The following TANGO6 variants were observed in gnomAD, a reference collection of about 807,000 sequenced individuals.
TANGO6 encodes the protein transport and Golgi organization protein 6 homolog.
In TANGO6, 90 loss-of-function variants were observed where a neutral mutation model predicts 114.2. The ratio of observed to expected loss-of-function variants is 0.79; its 90% CI spans 0.66 to 0.94. The LOEUF (loss-of-function observed/expected upper bound fraction) is 0.94, where lower values mean the gene tolerates loss of function less well. TANGO6 is among the 40% of genes least tolerant of loss of function. The pLI is 0.00. For missense variants in TANGO6, 1,274 were observed against 1,315.3 expected (o/e 0.97, Z 0.49); for synonymous variants, 477 against 509.8 (o/e 0.94, Z 0.87).
At chr16:69,050,143 G>A (rs1032605213) in intron 17 of TANGO6, among the ~76,000 whole-genome samples, 2 of 152,070 alleles carry the variant, frequency 1.3e-5, no homozygotes, top group Non-Finnish European at 2.9e-5. Context: ...TAACTTTTGA[G>A]GAACTGCCAG....
intron 9 of TANGO6, 49 bp from the exon 10 acceptor site, chr16:68,907,394 T>A: frequency 6.6e-7 from 1 of 1,505,206 alleles, no homozygotes; most frequent in South Asian, 1.4e-5. Flanking sequence ...TTTAAAATTA[T>A]GTGTATCTCT....
chr16:68,860,711 T>C (rs1054816960), intron 2 of TANGO6, among the ~76,000 whole-genome samples, 187 bp downstream of exon 2: 1 of 152,198 alleles, frequency 6.6e-6, no homozygotes, highest in African/African-American at 2.4e-5. Context: ...TCTCGTCCTT[T>C]GCACACCTGT....
At chr16:69,046,048 A>C (rs188576927) in intron 17 of TANGO6, among the ~76,000 whole-genome samples, 1 of 140,202 alleles carries the variant, frequency 7.1e-6, no homozygotes, top group Non-Finnish European at 1.5e-5. Context: ...TGGGTGATAG[A>C]GCGAGACTCC....
Position 68,860,475 on chromosome 16 carries a change from A to T in TANGO6, c.686A>T (p.Gln229Leu). The change falls in exon 2 of 18, where the codon CAA becomes CTA. Residue 229 changes from glutamine to leucine, a missense_variant. Gln to Leu is a moderately radical substitution (Grantham distance 113). Transcript: ENST00000261778. The part of the protein sequence containing the change: ...HFGDIAAGLC[Q>L]LGFCPTKRKL... ...GGGGATATCGCAGCAGGTCTGTGCC[A>T]ACTGGGATTCTGCCCAACCAAAAGA... The T allele has an allele frequency of 6.2e-7, 1 of 1,613,952 alleles. No individual in the cohort carries two copies. Among genetic ancestry groups the T allele is most frequent in the Non-Finnish European group, 8.5e-7 (1 of 1,179,896 alleles).
At chr16:68,882,414 G>C (rs148006032) in intron 7 of TANGO6, among the ~76,000 whole-genome samples, 1 of 151,750 alleles carries the variant, frequency 6.6e-6, no homozygotes, top group Non-Finnish European at 1.5e-5. Flanking sequence ...GGAGAATGGC[G>C]TGAACCTGGA....
chr16:69,005,934 C>T (rs959004340), intron 15 of TANGO6, among the ~76,000 whole-genome samples: 7 of 152,036 alleles, frequency 4.6e-5, no homozygotes, highest in Admixed American at 3.3e-4. Context: ...TGTTAAGAAA[C>T]TTTTAAATAA....
intron 17 of TANGO6, among the ~76,000 whole-genome samples, chr16:69,055,247 G>A (rs1444970642): frequency 6.6e-6 from 1 of 152,218 alleles, no homozygotes; most frequent in Non-Finnish European, 1.5e-5. Context: ...CGTTTAGCCT[G>A]TTGCATCCAA....
intron 7 of TANGO6, among the ~76,000 whole-genome samples, chr16:68,888,098 C>T (rs1221149435): frequency 6.6e-6 from 1 of 152,138 alleles, no homozygotes; most frequent in East Asian, 1.9e-4. Context: ...AATTGAAAAC[C>T]TAGCATAGCC....
intron 17 of TANGO6, among the ~76,000 whole-genome samples, chr16:69,072,448 G>A (rs900653126): frequency 1.3e-5 from 2 of 152,048 alleles, no homozygotes; most frequent in South Asian, 2.1e-4. Context: ...AGAGGTTTCC[G>A]CTGTGGGATT....
intron 14 of TANGO6, among the ~76,000 whole-genome samples, chr16:68,956,588 C>T (rs1314134371): frequency 1.3e-5 from 2 of 152,122 alleles, no homozygotes; most frequent in African/African-American, 2.4e-5. Flanking sequence ...CACAGTGGCT[C>T]ATGTCTGTAA....
chr16:68,987,354 T>G (rs373215388), intron 15 of TANGO6, among the ~76,000 whole-genome samples: 1 of 152,122 alleles, frequency 6.6e-6, no homozygotes, highest in Admixed American at 6.5e-5. Context: ...TTGTTGCTGT[T>G]GTTGTTGCTG....
chr16:68,892,301 TATC>T (rs1962633941), intron 7 of TANGO6, among the ~76,000 whole-genome samples: 1 of 152,178 alleles, frequency 6.6e-6, no homozygotes, highest in Admixed American at 6.5e-5. Context: ...AGACGCCTCA[TATC>T]ATAGCTGGCT....
intron 16 of TANGO6, among the ~76,000 whole-genome samples, chr16:69,038,187 G>C (rs909025509): frequency 3.9e-5 from 6 of 152,134 alleles, no homozygotes; most frequent in African/African-American, 1.4e-4. Flanking sequence ...CCAGCACTTT[G>C]GGAGGCCGAG....
intron 14 of TANGO6, among the ~76,000 whole-genome samples, chr16:68,964,563 ATTTTT>A (rs762474177): frequency 1.5e-5 from 2 of 133,360 alleles, no homozygotes. Context: ...AAACATATTA[ATTTTT>A]TTTTTTTTTT....
rs1314870706 is a variant in TANGO6 at position 68,867,214 on chromosome 16, G to A, written c.988G>A (p.Ala330Thr). 6.2e-7 allele frequency: 1 copy of A among 1,613,808 alleles called. No individual in the cohort carries two copies. Among genetic ancestry groups the A allele is most frequent in the East Asian group, 2.2e-5 (1 of 44,868 alleles). The part of the protein sequence containing the change: ...QAVVRGILEG[A>T]GAGAAGGSDA... ...AGTAGTCCGGGGCATTTTGGAAGGA[G>A]CAGGTGGTAAGAAATAAAATGTTGC... is the stretch of plus-strand genomic sequence containing the variant. The change falls in exon 4 of 18, where the codon GCA becomes ACA. Residue 330 changes from alanine (A) to threonine (T), a missense_variant. Physicochemically the swap from Ala to Thr is moderately conservative, Grantham distance 58. Around this residue, in one of 5 missense-constraint regions of TANGO6, gnomAD observed 908 missense variants for 910.2 expected, o/e 1.00. Transcript: ENST00000261778.
At chr16:69,027,355 A>G (rs1396650121) in intron 16 of TANGO6, among the ~76,000 whole-genome samples, 1 of 152,108 alleles carries the variant, frequency 6.6e-6, no homozygotes, top group Admixed American at 6.6e-5. Context: ...AAAGTTACAT[A>G]TATATCAGTT....
intron 15 of TANGO6, among the ~76,000 whole-genome samples, chr16:69,006,147 G>A (rs1463805859): frequency 6.6e-6 from 1 of 152,060 alleles, no homozygotes; most frequent in Non-Finnish European, 1.5e-5. Flanking sequence ...CTTGGCTGGT[G>A]GTGCAGGCAG....
chr16:69,063,845 T>C (rs1960175017), intron 17 of TANGO6, among the ~76,000 whole-genome samples: 1 of 138,180 alleles, frequency 7.2e-6, no homozygotes, highest in Admixed American at 7.4e-5. Flanking sequence ...ATTATTATTA[T>C]ATTATTTTGT....
chr16:69,052,004 G>C (rs1959957861), intron 17 of TANGO6, among the ~76,000 whole-genome samples: 1 of 143,270 alleles, frequency 7.0e-6, no homozygotes, highest in Non-Finnish European at 1.5e-5. Flanking sequence ...GAGTGGTGCA[G>C]TGCCACCATC....
Sources: gnomAD v4.1 joint callset for allele counts (sites outside exome capture counted in the v4.1 genomes callset) on GRCh38, gnomAD v4.1.1 for gene constraint, gnomAD v4.1.1 regional missense constraint, MANE v1.5 for transcripts, NCBI Gene and HGNC (gene_info 2026-07-23, HGNC 2026-07-21) for gene names.